CDC123: variants seen among roughly 807,000 people sequenced by gnomAD.
The protein encoded by CDC123 is cell division cycle 123, also known as translation initiation factor eIF2 assembly protein.
A neutral mutation model predicts 54.4 loss-of-function variants in CDC123; 37 were observed. That is an observed-to-expected ratio of 0.68 (90% CI 0.52 to 0.89). The LOEUF is 0.89. Among genes scored for constraint, CDC123 ranks in the 40% least tolerant of loss-of-function variants. CDC123 has a pLI of 0.00. For synonymous variants in CDC123, 144 were observed against 136.8 expected (o/e 1.05, Z -0.37); for missense variants, 361 against 412.1 (o/e 0.88, Z 1.07).
At chr10:12,242,831 A>T (rs1836077554) in intron 10 of CDC123, among the ~76,000 whole-genome samples, 1 of 151,790 alleles carries the variant, frequency 6.6e-6, no homozygotes, top group African/African-American at 2.4e-5. Flanking sequence ...AATCCCAGCT[A>T]CTTGGGAGGC....
Position 12,224,218 on chromosome 10 carries a change from C to T in CDC123, c.441-6730C>T, listed in dbSNP as rs1170872258. Among the ~76,000 whole-genome samples, 9 of 150,478 alleles carry T rather than the reference C, an allele frequency of 6.0e-5. No homozygotes were observed. In the South Asian group the frequency reaches 1.9e-3, roughly 31 times the overall value. On this transcript the variant is annotated intron_variant, in intron 6 of 12. Transcript: ENST00000281141. ...TTGTTCCTTAAAAAAAAAAAAAAGA[C>T]ATCTGATTAGTCATCAGTACTAGTT...
At position 12,203,009 on chromosome 10, in the gene CDC123, C is replaced by T. The variant is rs187754140; in HGVS notation, c.146+4233C>T. ...CAGCCTGGGCGACAGAGCGAGACTC[C>T]GTCTCAAAAAACCAAACAAACAAAA... On this transcript the variant is annotated intron_variant, in intron 2 of 12. Coordinates refer to ENST00000281141, the MANE Select transcript of CDC123 (RefSeq NM_006023.3). 2.0e-4 allele frequency among the ~76,000 whole-genome samples: 30 copies of T among 152,218 alleles called. No individual in the cohort carries two copies. In the East Asian group the frequency reaches 5.2e-3, roughly 26 times the overall value.
At chr10:12,223,075 T>C (rs1835758548) in intron 6 of CDC123, among the ~76,000 whole-genome samples, 1 of 151,122 alleles carries the variant, frequency 6.6e-6, no homozygotes, top group East Asian at 2.0e-4. Context: ...TTTGTATTTT[T>C]AGTAGAGACG....
In CDC123 at chr10:12,210,368, C is replaced by T. The variant is rs1263818447; in HGVS notation, c.237+46C>T. 4 of 1,610,930 alleles carry T rather than the reference C, an allele frequency of 2.5e-6. No homozygotes were observed. In the East Asian group the frequency reaches 6.7e-5, roughly 27 times the overall value. ...GCGTGGGGACAGCCTCACACTGTCA[C>T]ACAAGGGTTAGCGTCAAGGTTTAAG... On this transcript the variant is annotated intron_variant, in intron 4 of 12. Transcript: ENST00000281141.
intron 6 of CDC123, among the ~76,000 whole-genome samples, chr10:12,220,500 A>C (rs542348682): frequency 6.6e-6 from 1 of 151,932 alleles, no homozygotes; most frequent in Non-Finnish European, 1.5e-5. Context: ...GCAAATGCCA[A>C]GCACTGGGCT....
At position 12,250,434 on chromosome 10, in the gene CDC123, C is replaced by A; in HGVS notation, c.*97C>A. 3 of 924,396 alleles carry A rather than the reference C, an allele frequency of 3.2e-6. No individual in the cohort carries two copies. The highest frequency in any genetic ancestry group is 5.4e-6 in the Non-Finnish European group (3 of 552,222). 57.3% of individuals were successfully genotyped at this position (924,396 alleles called of 1,614,324 possible). A position where few individuals can be genotyped will look rare whatever the true frequency, so the allele number is the denominator to read the frequency against. ...CCTGCCGACCCTGATGCGGGTGGGC[C>A]GAGCAGTGTGGACATCAGCCACTTT... On this transcript the variant is annotated 3_prime_UTR_variant, in exon 13 of 13. Coordinates refer to ENST00000281141, the MANE Select transcript of CDC123 (RefSeq NM_006023.3).
At chr10:12,223,457 TG>T (rs1835763696) in intron 6 of CDC123, among the ~76,000 whole-genome samples, 1 of 152,094 alleles carries the variant, frequency 6.6e-6, no homozygotes, top group Admixed American at 6.5e-5. Context: ...GGATAATTTT[TG>T]TATTTTTAGT....
At position 12,250,532 on chromosome 10, in the gene CDC123, A is replaced by G; in HGVS notation, c.*195A>G. The G allele has an allele frequency of 3.0e-6, 2 of 656,630 alleles. No homozygotes were observed. The highest frequency in any genetic ancestry group is 3.4e-5 in the South Asian group (2 of 58,524). 40.7% of individuals were successfully genotyped at this position (656,630 alleles called of 1,614,324 possible). On this transcript the variant is annotated 3_prime_UTR_variant, in exon 13 of 13. Transcript: ENST00000281141. ...TACTTGTAAAAATAACATAATAAAT[A>G]GATCTTAAACATAGGAAAACCATAC...
At chr10:12,231,220 T>C (rs1045317210) in intron 7 of CDC123, among the ~76,000 whole-genome samples, 1 of 152,232 alleles carries the variant, frequency 6.6e-6, no homozygotes, top group Non-Finnish European at 1.5e-5. Context: ...CTACAGGATA[T>C]ACGCAGACAC....
chr10:12,204,106 A>T (rs1320195), intron 2 of CDC123, among the ~76,000 whole-genome samples: 38,910 of 151,064 alleles, frequency 0.26, 5,381 homozygotes, highest in East Asian at 0.41. Flanking sequence ...AAAAAAAAAA[A>T]AAAAGTATCA....
At position 12,250,364 on chromosome 10, in the gene CDC123, A is replaced by T; in HGVS notation, c.*27A>T. 1 of 1,577,988 alleles carries T rather than the reference A, an allele frequency of 6.3e-7. No individual in the cohort carries two copies. On this transcript the variant is annotated 3_prime_UTR_variant, in exon 13 of 13. Coordinates refer to ENST00000281141, the MANE Select transcript of CDC123 (RefSeq NM_006023.3). ...GAGCGTACTGGAACTGGAGAAGAGG[A>T]GGCCCCGCCCCACCGCTCCGGGAGC... is the stretch of plus-strand genomic sequence containing the variant.
At chr10:12,227,344 C>T (rs11257608) in intron 6 of CDC123, among the ~76,000 whole-genome samples, 27,476 of 151,830 alleles carry the variant, frequency 0.18, 2,643 homozygotes, top group East Asian at 0.38. Context: ...AATACTAGTA[C>T]GGAGCCCAAG....
chr10:12,221,711 G>T (rs1483845045), intron 6 of CDC123, among the ~76,000 whole-genome samples: 1 of 147,912 alleles, frequency 6.8e-6, no homozygotes, highest in East Asian at 2.0e-4. Flanking sequence ...TTTTTAATTT[G>T]TATTTATTTA....
intron 12 of CDC123, chr10:12,250,005 AAGGAGAGC>A: frequency 2.0e-6 from 1 of 489,012 alleles, no homozygotes; most frequent in Non-Finnish European, 3.6e-6. Flanking sequence ...AGAAGGCTGT[AAGGAGAGC>A]AGGTCTCTGC....
rs1564431631 is a variant in CDC123 at position 12,200,119 on chromosome 10, C to CCTTTTTTTTTT, written c.146+1343_146+1344insCTTTTTTTTTT. On this transcript the variant is annotated intron_variant, in intron 2 of 12. Transcript: ENST00000281141. Reference sequence around the variant, plus strand: ...TATAGGCCTGAGCCACCGCACTCGGCATTTTTTTTTTTTTTTTTTTTTTTA... The same window carrying CCTTTTTTTTTT: ...TATAGGCCTGAGCCACCGCACTCGGCCTTTTTTTTTTATTTTTTTTTTTTTTTTTTTTTTTA... Among the ~76,000 whole-genome samples the CCTTTTTTTTTT allele has an allele frequency of 1.0e-3, 25 of 24,276 alleles. 1 individual carries two copies. Among genetic ancestry groups the CCTTTTTTTTTT allele is most frequent in the African/African-American group, 2.6e-3 (23 of 8,784 alleles). 15.9% of individuals were successfully genotyped at this position (24,276 alleles called of 152,430 possible).
chr10:12,242,961 A>G (rs1041061515), intron 10 of CDC123, among the ~76,000 whole-genome samples: 2 of 151,724 alleles, frequency 1.3e-5, no homozygotes, highest in African/African-American at 2.4e-5. Flanking sequence ...AAGTTATAAA[A>G]TCCTGATCCT....
At chr10:12,220,449 G>A (rs969310768) in intron 6 of CDC123, among the ~76,000 whole-genome samples, 2 of 152,232 alleles carry the variant, frequency 1.3e-5, no homozygotes, top group South Asian at 4.1e-4. Context: ...CCCACAAAAT[G>A]CCATCCTTCT....
At chr10:12,215,162 A>G (rs1835647682) in intron 4 of CDC123, among the ~76,000 whole-genome samples, 1 of 152,244 alleles carries the variant, frequency 6.6e-6, no homozygotes, top group African/African-American at 2.4e-5. Context: ...TCATCCAAAC[A>G]GGAAAGAACG....
At chr10:12,201,710 G>A (rs953541754) in intron 2 of CDC123, among the ~76,000 whole-genome samples, 5 of 152,150 alleles carry the variant, frequency 3.3e-5, no homozygotes, top group African/African-American at 7.2e-5. Flanking sequence ...TTCTGAGAAC[G>A]TCAGGAAGGC....
Sources: gnomAD v4.1 joint callset for allele counts (sites outside exome capture counted in the v4.1 genomes callset) on GRCh38, gnomAD v4.1.1 for gene constraint, MANE v1.5 for transcripts, NCBI Gene and HGNC (gene_info 2026-07-23, HGNC 2026-07-21) for gene names.